The following PRUNE1 variants were observed in gnomAD, a reference collection of about 807,000 sequenced individuals.
The protein encoded by PRUNE1 is exopolyphosphatase PRUNE1.
Under a neutral mutation model 42.5 loss-of-function variants are expected in PRUNE1, and 25 were observed. That is an observed-to-expected ratio of 0.59 (90% CI 0.43 to 0.82). The LOEUF is 0.82. Among genes scored for constraint, PRUNE1 ranks in the 40% least tolerant of loss-of-function variants. The pLI is 0.00. For missense variants in PRUNE1, 443 were observed against 539.3 expected (o/e 0.82, Z 1.77); for synonymous variants, 203 against 217.1 (o/e 0.93, Z 0.57).
In PRUNE1 at chr1:151,024,652, ACC is replaced by A. The variant is rs1229400259; in HGVS notation, c.378_379del (p.Asp126GlufsTer17). ...GAGGAGGCAGTAGCAGAGGTGCTAG[ACC>A]ATCGACCCATCGAGCCGAAACACTG... is the stretch of plus-strand genomic sequence containing the variant. On this transcript the variant is annotated frameshift_variant, in exon 4 of 8. Transcript: ENST00000271620. LOFTEE classifies it high-confidence loss of function. 1 of 1,613,258 alleles carries A rather than the reference ACC, an allele frequency of 6.2e-7. No homozygotes were observed. Among genetic ancestry groups the A allele is most frequent in the Non-Finnish European group, 8.5e-7 (1 of 1,179,326 alleles).
chr1:151,017,292 A>AGATAG (rs587755370), intron 1 of PRUNE1, among the ~76,000 whole-genome samples: 79 of 152,214 alleles, frequency 5.2e-4, no homozygotes, highest in African/African-American at 1.8e-3. Context: ...ACATTGAAGG[A>AGATAG]GATAGGAGGA....
At chr1:151,027,385 G>A (rs992053968) in intron 6 of PRUNE1, 58 bp downstream of exon 6, 46 of 1,318,658 alleles carry the variant, frequency 3.5e-5, no homozygotes, top group Non-Finnish European at 4.6e-5. Context: ...TGCATGTTAT[G>A]CATGTGGCCT....
At chr1:151,026,720 A>G (rs1674862241) in intron 5 of PRUNE1, among the ~76,000 whole-genome samples, 1 of 152,128 alleles carries the variant, frequency 6.6e-6, no homozygotes, top group African/African-American at 2.4e-5. Flanking sequence ...GGAAGAGGGA[A>G]AGATAAAAAG....
Position 151,008,652 on chromosome 1 carries a change from G to A in PRUNE1, c.20G>A (p.Gly7Asp). Residue 7 changes from glycine to aspartate, a missense_variant, in exon 1 of 8, where the codon GGT becomes GAT. Coordinates refer to ENST00000271620, the MANE Select transcript of PRUNE1 (RefSeq NM_021222.3). MEDYLQ[G>D]CRAALQESRP... ...TTCATCATGGAGGACTACCTGCAGG[G>A]TTGTCGAGCTGCTCTGCAGGTAACG... 1 of 1,614,192 alleles carries A rather than the reference G, an allele frequency of 6.2e-7. No homozygotes were observed. The highest frequency in any genetic ancestry group is 8.5e-7 in the Non-Finnish European group (1 of 1,180,024).
Position 151,034,623 on chromosome 1 carries a change from A to G in PRUNE1, c.*389A>G, listed in dbSNP as rs771151291. On this transcript the variant is annotated 3_prime_UTR_variant, in exon 8 of 8. Transcript: ENST00000271620. ...AACTGAACATTCATCGATGGTCTCCATGTATTCATTTATTCACTTGTTCAT... is the reference window on the plus strand; with the variant it reads ...AACTGAACATTCATCGATGGTCTCCGTGTATTCATTTATTCACTTGTTCAT... The G allele has an allele frequency of 3.3e-5, 6 of 181,060 alleles. No homozygotes were observed. The highest frequency in any genetic ancestry group is 1.3e-4 in the South Asian group (1 of 7,418). 11.2% of individuals were successfully genotyped at this position (181,060 alleles called of 1,614,324 possible).
At chr1:151,031,175 TTGTG>T (rs749796920) in intron 7 of PRUNE1, among the ~76,000 whole-genome samples, 4 of 137,280 alleles carry the variant, frequency 2.9e-5, no homozygotes, top group Admixed American at 7.4e-5. Flanking sequence ...TGTTTTGTTT[TTGTG>T]TGTGTGTGTG....
At chr1:151,033,483 T>C (rs954823557) in intron 7 of PRUNE1, among the ~76,000 whole-genome samples, 12 of 150,108 alleles carry the variant, frequency 8.0e-5, no homozygotes, top group African/African-American at 2.7e-4. Context: ...CTCCGCCTCC[T>C]GGGTTCACGC....
In PRUNE1 at chr1:151,008,555, G is replaced by C; in HGVS notation, c.-78G>C. On this transcript the variant is annotated 5_prime_UTR_variant, in exon 1 of 8. Coordinates refer to ENST00000271620, the MANE Select transcript of PRUNE1 (RefSeq NM_021222.3). ...CTAGTCCCTGAGTCCCGGGCGGGCT[G>C]CATTCGTCGGGGAAACCTCTCCTCG... 6.4e-7 allele frequency: 1 copy of C among 1,550,928 alleles called. No individual in the cohort carries two copies. Among genetic ancestry groups the C allele is most frequent in the Non-Finnish European group, 8.9e-7 (1 of 1,122,634 alleles).
rs765331395 is a variant in PRUNE1, at chr1:151,024,629, G to A, written c.354G>A (p.Glu118=). 15 of 1,610,272 alleles carry A rather than the reference G, an allele frequency of 9.3e-6. No individual in the cohort carries two copies. Among genetic ancestry groups the A allele is most frequent in the South Asian group, 3.3e-5 (3 of 91,014 alleles). ...HILSKSDTAL[E]EAVAEVLDHR... ...TCCACAGAAGTGACACAGCCCTAGAGGAGGCAGTAGCAGAGGTGCTAGACC... is the reference window on the plus strand; with the variant it reads ...TCCACAGAAGTGACACAGCCCTAGAAGAGGCAGTAGCAGAGGTGCTAGACC... The change falls in exon 4 of 8, where the codon GAG becomes GAA. Residue 118 remains glutamate (E), a synonymous_variant. Coordinates refer to ENST00000271620, the MANE Select transcript of PRUNE1 (RefSeq NM_021222.3).
chr1:151,020,006 A>AT (rs984594125), intron 3 of PRUNE1, among the ~76,000 whole-genome samples: 3 of 148,566 alleles, frequency 2.0e-5, no homozygotes, highest in Non-Finnish European at 4.5e-5. Flanking sequence ...TAATTTTTAT[A>AT]TTTTTTACTG....
intron 2 of PRUNE1, 76 bp downstream of exon 2, chr1:151,017,980 C>A: frequency 2.0e-6 from 2 of 987,804 alleles, no homozygotes; most frequent in Non-Finnish European, 3.2e-6. Flanking sequence ...CCAGCTCTAC[C>A]ACTTACCAGC....
intron 3 of PRUNE1, among the ~76,000 whole-genome samples, chr1:151,023,125 T>C (rs587633940): frequency 3.9e-5 from 6 of 152,310 alleles, no homozygotes; most frequent in Admixed American, 3.9e-4. Context: ...TCTAAGGTGA[T>C]TGGATTTTAT....
chr1:151,027,791 T>C (rs866302148), intron 6 of PRUNE1, among the ~76,000 whole-genome samples: 8 of 139,322 alleles, frequency 5.7e-5, no homozygotes, highest in African/African-American at 1.9e-4. Flanking sequence ...TGCGCGCGCG[T>C]GTATGTATGT....
At chr1:151,033,040 C>A (rs1675330838) in intron 7 of PRUNE1, among the ~76,000 whole-genome samples, 1 of 151,580 alleles carries the variant, frequency 6.6e-6, no homozygotes, top group African/African-American at 2.4e-5. Context: ...TCCCAAAGTG[C>A]TGGGATTACA....
intron 3 of PRUNE1, among the ~76,000 whole-genome samples, chr1:151,023,280 A>T (rs587745411): frequency 6.6e-6 from 1 of 152,332 alleles, no homozygotes; most frequent in East Asian, 1.9e-4. Flanking sequence ...TTAAGAGACT[A>T]CTGGAATAGT....
chr1:151,020,032 G>A (rs958935264), intron 3 of PRUNE1, among the ~76,000 whole-genome samples: 2 of 146,344 alleles, frequency 1.4e-5, no homozygotes, highest in African/African-American at 2.5e-5. Flanking sequence ...AGGGTTTTGC[G>A]CTGTTGGCCA....
At chr1:151,013,323 C>G (rs781028866) in intron 1 of PRUNE1, among the ~76,000 whole-genome samples, 8 of 152,160 alleles carry the variant, frequency 5.3e-5, no homozygotes, top group Admixed American at 2.6e-4. Flanking sequence ...CTTGGTCACT[C>G]CAGTTCCAAG....
Position 151,027,310 on chromosome 1 carries a change from A to G in PRUNE1, c.757A>G (p.Ile253Val), listed in dbSNP as rs760161881. The G allele has an allele frequency of 7.5e-6, 12 of 1,605,842 alleles. No individual in the cohort carries two copies. Among genetic ancestry groups the G allele is most frequent in the Middle Eastern group, 3.3e-4 (2 of 6,070 alleles). ...RQGVKVAISA[I>V]YMDLEAFLQR... ...AGGCGTCAAGGTGGCCATTAGTGCA[A>G]TATATATGGATTTGGAGGTAAGAGC... Residue 253 changes from isoleucine to valine, a missense_variant, in exon 6 of 8, where the codon ATA (isoleucine) becomes GTA (valine). Transcript: ENST00000271620.
At chr1:151,019,528 G>C (rs1355993736) in intron 3 of PRUNE1, among the ~76,000 whole-genome samples, 2 of 139,268 alleles carry the variant, frequency 1.4e-5, no homozygotes, top group Non-Finnish European at 3.0e-5. Flanking sequence ...TCCACTCCAA[G>C]CCTGGGAGAC....
Sources: gnomAD v4.1 joint callset for allele counts (sites outside exome capture counted in the v4.1 genomes callset) on GRCh38, gnomAD v4.1.1 for gene constraint, MANE v1.5 for transcripts, NCBI Gene and HGNC (gene_info 2026-07-23, HGNC 2026-07-21) for gene names.